The following CCDC152 variants were observed in gnomAD, a reference collection of about 807,000 sequenced individuals.
CCDC152 encodes the protein coiled-coil domain-containing protein 152.
A neutral mutation model predicts 38.1 loss-of-function variants in CCDC152; 37 were observed. The ratio of observed to expected loss-of-function variants is 0.97; its 90% CI spans 0.75 to 1.28. The LOEUF is 1.28. Among genes scored for constraint, CCDC152 ranks in the 50% most tolerant of loss-of-function variants. The pLI, the probability that CCDC152 is intolerant of heterozygous loss-of-function variation, is 0.00. For missense variants in CCDC152, 259 were observed against 292.1 expected (o/e 0.89, Z 0.83); for synonymous variants, 83 against 87.1 (o/e 0.95, Z 0.26).
chr5:42,770,810 AGTGTACAAGATTCTCACCTTCTTTG>A (rs1194840959), intron 4 of CCDC152, among the ~76,000 whole-genome samples: 1 of 152,112 alleles, frequency 6.6e-6, no homozygotes, highest in Non-Finnish European at 1.5e-5. Flanking sequence ...TATTACTTTC[AGTGTACAAGATTCTCACCTTCTTTG>A]GTGTACAAGA....
intron 6 of CCDC152, among the ~76,000 whole-genome samples, chr5:42,794,083 A>G (rs553190175): frequency 1.3e-5 from 2 of 152,208 alleles, no homozygotes; most frequent in Admixed American, 1.3e-4. Context: ...GAAAATATCT[A>G]CTCTGAGACA....
intron 3 of CCDC152, among the ~76,000 whole-genome samples, chr5:42,763,776 A>G (rs1421064496): frequency 2.0e-5 from 3 of 152,200 alleles, no homozygotes; most frequent in African/African-American, 7.2e-5. Flanking sequence ...TGTCACAGCC[A>G]AGGTTTGAAG....
chr5:42,800,748 G>A lies in CCDC152; in HGVS notation c.*967G>A, dbSNP rs1245571799. 5.2e-5 allele frequency: 84 copies of A among 1,601,832 alleles called. No individual in the cohort carries two copies. The highest frequency in any genetic ancestry group is 7.1e-5 in the Non-Finnish European group (83 of 1,173,670). ...GTTTGAAGGTCATTCTCACTTTTTT[G>A]CCTGATTCTTTCAGCGTCAACTGGC... On this transcript the variant is annotated 3_prime_UTR_variant, in exon 9 of 9. Coordinates refer to ENST00000361970, the MANE Select transcript of CCDC152 (RefSeq NM_001134848.2).
At chr5:42,767,060 A>G (rs919533321) in intron 3 of CCDC152, among the ~76,000 whole-genome samples, 1 of 152,116 alleles carries the variant, frequency 6.6e-6, no homozygotes, top group African/African-American at 2.4e-5. Flanking sequence ...CACAAAAATT[A>G]TTTTTAAGAA....
intron 4 of CCDC152, among the ~76,000 whole-genome samples, chr5:42,775,913 T>TAA (rs34618464): frequency 2.2e-4 from 23 of 105,358 alleles, no homozygotes; most frequent in African/African-American, 2.8e-4. Flanking sequence ...GGACAATCAC[T>TAA]AAAAAAAAAA....
At chr5:42,768,034 G>A (rs1410462882) in intron 3 of CCDC152, among the ~76,000 whole-genome samples, 3 of 152,186 alleles carry the variant, frequency 2.0e-5, no homozygotes, top group African/African-American at 7.2e-5. Context: ...GGTAGGGAGA[G>A]CAGGGAGGAG....
chr5:42,768,228 G>T (rs938710788), intron 3 of CCDC152, among the ~76,000 whole-genome samples: 2 of 152,140 alleles, frequency 1.3e-5, no homozygotes, highest in African/African-American at 4.8e-5. Context: ...CAAAACATAT[G>T]TTATTTTCAT....
At chr5:42,798,343 T>A (rs1173443099) in intron 7 of CCDC152, among the ~76,000 whole-genome samples, 1 of 152,280 alleles carries the variant, frequency 6.6e-6, no homozygotes, top group East Asian at 1.9e-4. Context: ...TAAAATCACA[T>A]ACTACTCATA....
chr5:42,772,404 A>C (rs562348135), intron 4 of CCDC152, among the ~76,000 whole-genome samples: 1 of 152,322 alleles, frequency 6.6e-6, no homozygotes, highest in African/African-American at 2.4e-5. Flanking sequence ...ACAAGTTTTA[A>C]AATAGCCTTT....
At chr5:42,765,001 A>C (rs937766995) in intron 3 of CCDC152, among the ~76,000 whole-genome samples, 2 of 152,240 alleles carry the variant, frequency 1.3e-5, no homozygotes, top group African/African-American at 4.8e-5. Context: ...TTTGCAGATG[A>C]TATGGACTTA....
At chr5:42,787,932 C>G (rs558457500) in intron 6 of CCDC152, among the ~76,000 whole-genome samples, 1 of 152,098 alleles carries the variant, frequency 6.6e-6, no homozygotes, top group African/African-American at 2.4e-5. Flanking sequence ...TTAAGTGGAA[C>G]ATTTAGGCTG....
chr5:42,775,994 A>G (rs1445894859), intron 4 of CCDC152, among the ~76,000 whole-genome samples: 1 of 152,078 alleles, frequency 6.6e-6, no homozygotes, highest in East Asian at 1.9e-4. Context: ...GAAATACTCA[A>G]AACCATAAAA....
At chr5:42,777,829 A>G (rs1030233824) in intron 4 of CCDC152, among the ~76,000 whole-genome samples, 3 of 152,204 alleles carry the variant, frequency 2.0e-5, no homozygotes, top group Non-Finnish European at 2.9e-5. Context: ...GATAATGTCA[A>G]AAATCTTTAC....
intron 5 of CCDC152, 103 bp downstream of exon 5, chr5:42,779,625 G>A (rs1262797899): frequency 1.2e-5 from 8 of 647,684 alleles, no homozygotes; most frequent in South Asian, 2.2e-5. Context: ...ACAGCCAAAT[G>A]TTTGTGGGTG....
intron 4 of CCDC152, among the ~76,000 whole-genome samples, chr5:42,774,587 G>C (rs780784828): frequency 1.3e-5 from 2 of 152,148 alleles, no homozygotes; most frequent in Non-Finnish European, 2.9e-5. Context: ...CACCAAAGGG[G>C]AGAGGGACTA....
intron 6 of CCDC152, among the ~76,000 whole-genome samples, chr5:42,791,085 T>C (rs1001136800): frequency 6.6e-6 from 1 of 152,202 alleles, no homozygotes; most frequent in Non-Finnish European, 1.5e-5. Context: ...AGCCAATGGG[T>C]TCCAGATCCC....
chr5:42,795,493 A>T (rs1760062194), intron 6 of CCDC152, among the ~76,000 whole-genome samples: 1 of 152,252 alleles, frequency 6.6e-6, no homozygotes, highest in South Asian at 2.1e-4. Flanking sequence ...ATTAGTAATG[A>T]TATAGAAAAT....
In CCDC152 at chr5:42,799,449, C is replaced by T; in HGVS notation, c.633C>T (p.Ile211=). The T allele has an allele frequency of 6.5e-6, 10 of 1,533,138 alleles. No homozygotes were observed. Among genetic ancestry groups the T allele is most frequent in the Non-Finnish European group, 8.8e-6 (10 of 1,133,562 alleles). The allele number at this position is 1,533,138 out of a possible 1,614,324, so 95.0% of individuals were successfully genotyped here. A position where few individuals can be genotyped will look rare whatever the true frequency, so the allele number is the denominator to read the frequency against. The part of the protein sequence containing the change: ...YQDSTVLPQS[I]YRRKLQHFQE... ...ATTCTACTGTTTTGCCACAAAGTAT[C>T]TACAGAAGGGTATGTGAGTTTTCCT... The change falls in exon 8 of 9, where the codon ATC becomes ATT. Residue 211 remains isoleucine (I), a synonymous_variant. Transcript: ENST00000361970.
At position 42,799,280 on chromosome 5, in the gene CCDC152, G is replaced by A. The variant is rs1159638678; in HGVS notation, c.559-95G>A. 7 of 633,772 alleles carry A rather than the reference G, an allele frequency of 1.1e-5. No homozygotes were observed. In the East Asian group the frequency reaches 1.8e-4, roughly 16 times the overall value. 39.3% of individuals were successfully genotyped at this position (633,772 alleles called of 1,614,324 possible). ...TACTGTAATTTACACCTGAATTACA[G>A]ATTACATGTCAAAGGATAACATGGA... On this transcript the variant is annotated intron_variant, in intron 7 of 8. Coordinates refer to ENST00000361970, the MANE Select transcript of CCDC152 (RefSeq NM_001134848.2).
Sources: allele counts gnomAD v4.1 joint callset (sites outside exome capture counted in the v4.1 genomes callset), GRCh38; gene constraint gnomAD v4.1.1; transcripts MANE v1.5; gene names NCBI Gene and HGNC (gene_info 2026-07-23, HGNC 2026-07-21).